Variants in BABAM2 observed in about 807,000 individuals in gnomAD.
BABAM2 encodes the protein BRISC and BRCA1-A complex member 2.
BABAM2 carries 31 observed loss-of-function variants against 54.7 expected under a neutral mutation model. The ratio of observed to expected loss-of-function variants is 0.57; its 90% CI spans 0.43 to 0.77. The LOEUF (loss-of-function observed/expected upper bound fraction) is 0.77, where lower values mean the gene tolerates loss of function less well. BABAM2 is among the 30% of genes least tolerant of loss of function. The pLI is 0.00. For missense variants in BABAM2, 364 were observed against 455.8 expected (o/e 0.80, Z 1.83); for synonymous variants, 167 against 162.9 (o/e 1.03, Z -0.19).
chr2:27,916,629 T>G (rs1427399070), intron 2 of BABAM2, among the ~76,000 whole-genome samples: 1 of 152,218 alleles, frequency 6.6e-6, no homozygotes, highest in Non-Finnish European at 1.5e-5. Context: ...ATTCTCTTTC[T>G]TCTTAGAGTT....
intron 4 of BABAM2, among the ~76,000 whole-genome samples, chr2:28,006,308 T>C (rs1673970783): frequency 6.6e-6 from 1 of 152,058 alleles, no homozygotes; most frequent in Admixed American, 6.5e-5. Flanking sequence ...AAACCAAAAG[T>C]AACCCTGGTT....
At chr2:28,250,164 C>T (rs1325779683) in intron 10 of BABAM2, among the ~76,000 whole-genome samples, 4 of 151,974 alleles carry the variant, frequency 2.6e-5, no homozygotes, top group Non-Finnish European at 4.4e-5. Flanking sequence ...GTGACATTTC[C>T]GCTGAGACCT....
At chr2:28,173,371 G>C (rs1674569726) in intron 7 of BABAM2, among the ~76,000 whole-genome samples, 1 of 152,108 alleles carries the variant, frequency 6.6e-6, no homozygotes, top group Admixed American at 6.5e-5. Flanking sequence ...CAAGCCTTTA[G>C]GCCTCACAAG....
chr2:28,134,694 A>G (rs1405162528), intron 7 of BABAM2: 1 of 152,220 alleles, frequency 6.6e-6, no homozygotes, highest in Non-Finnish European at 1.5e-5. Flanking sequence ...GCTCACTATT[A>G]TTGAGGCCTG....
At chr2:27,961,303 C>G (rs1670449787) in intron 3 of BABAM2, among the ~76,000 whole-genome samples, 1 of 152,142 alleles carries the variant, frequency 6.6e-6, no homozygotes, top group Admixed American at 6.5e-5. Context: ...GATTTTTTCC[C>G]TTTGCGGTGG....
chr2:28,243,665 C>T (rs1175907579), intron 9 of BABAM2, among the ~76,000 whole-genome samples: 1 of 152,036 alleles, frequency 6.6e-6, no homozygotes, highest in Non-Finnish European at 1.5e-5. Flanking sequence ...CAAGATCGCA[C>T]CACTGCACTC....
intron 4 of BABAM2, among the ~76,000 whole-genome samples, chr2:28,020,303 A>G (rs1675155347): frequency 1.3e-5 from 2 of 152,226 alleles, no homozygotes; most frequent in Non-Finnish European, 2.9e-5. Flanking sequence ...GTGAAGTGTG[A>G]AATAAAAGAT....
intron 3 of BABAM2, among the ~76,000 whole-genome samples, chr2:27,960,814 C>T (rs748499445): frequency 4.6e-5 from 7 of 152,128 alleles, no homozygotes; most frequent in Non-Finnish European, 8.8e-5. Flanking sequence ...TTTTCCACTT[C>T]ACATGTTAGG....
At chr2:28,186,955 G>A (rs1676365405) in intron 7 of BABAM2, among the ~76,000 whole-genome samples, 1 of 151,990 alleles carries the variant, frequency 6.6e-6, no homozygotes, top group Admixed American at 6.6e-5. Flanking sequence ...ACAGGCACCC[G>A]CCAACAAGCC....
chr2:28,296,684 T>TTTTA (rs1234398185), intron 10 of BABAM2, among the ~76,000 whole-genome samples: 6 of 151,940 alleles, frequency 3.9e-5, no homozygotes, highest in East Asian at 1.9e-4. Flanking sequence ...TAGCATGTAT[T>TTTTA]TTTATTTATT....
chr2:28,012,047 A>G (rs1198735120), intron 4 of BABAM2, among the ~76,000 whole-genome samples: 1 of 152,220 alleles, frequency 6.6e-6, no homozygotes, highest in Non-Finnish European at 1.5e-5. Context: ...AACACTAACA[A>G]AGTGTTTGCT....
intron 6 of BABAM2, among the ~76,000 whole-genome samples, chr2:28,083,158 A>G (rs1215293215): frequency 6.6e-6 from 1 of 152,070 alleles, no homozygotes; most frequent in Admixed American, 6.6e-5. Context: ...CTCTGTTTCT[A>G]AAATATCAGT....
At chr2:28,069,384 G>T (rs1365289614) in intron 6 of BABAM2, among the ~76,000 whole-genome samples, 1 of 152,112 alleles carries the variant, frequency 6.6e-6, no homozygotes, top group Non-Finnish European at 1.5e-5. Context: ...ATAGTTTACA[G>T]GCCATACCCT....
At chr2:28,194,116 A>G (rs1677238202) in intron 7 of BABAM2, among the ~76,000 whole-genome samples, 1 of 152,196 alleles carries the variant, frequency 6.6e-6, no homozygotes, top group Non-Finnish European at 1.5e-5. Flanking sequence ...TGCAGAATGC[A>G]TGGAGGAGAG....
chr2:28,280,916 GC>G (rs1686301538), intron 10 of BABAM2, among the ~76,000 whole-genome samples: 1 of 152,150 alleles, frequency 6.6e-6, no homozygotes, highest in African/African-American at 2.4e-5. Context: ...TGTGAGAGTA[GC>G]AGGCAGGCTG....
intron 7 of BABAM2, among the ~76,000 whole-genome samples, chr2:28,207,158 C>T (rs1018918169): frequency 6.6e-6 from 1 of 152,068 alleles, no homozygotes; most frequent in East Asian, 1.9e-4. Context: ...TCTTAGAAAA[C>T]AAAACTGCTG....
At chr2:28,266,336 C>T (rs1302198744) in intron 10 of BABAM2, among the ~76,000 whole-genome samples, 1 of 152,182 alleles carries the variant, frequency 6.6e-6, no homozygotes, top group African/African-American at 2.4e-5. Flanking sequence ...ACCTTATCTG[C>T]ACCTGCAGCA....
intron 5 of BABAM2, 112 bp downstream of exon 5, chr2:28,025,532 A>G: frequency 1.9e-6 from 2 of 1,043,868 alleles, no homozygotes; most frequent in Admixed American, 3.5e-5. Context: ...TGGTCCAGGT[A>G]GCCTATATGT....
chr2:28,271,054 G>A (rs1016568632), intron 10 of BABAM2, among the ~76,000 whole-genome samples: 1 of 152,136 alleles, frequency 6.6e-6, no homozygotes, highest in East Asian at 1.9e-4. Context: ...GAAACAAAAG[G>A]CTATAGCGTG....
Sources: gnomAD v4.1 joint callset for allele counts (sites outside exome capture counted in the v4.1 genomes callset) on GRCh38, gnomAD v4.1.1 for gene constraint, MANE v1.5 for transcripts, NCBI Gene and HGNC (gene_info 2026-07-23, HGNC 2026-07-21) for gene names.